Variants in PTPRK observed in about 807,000 individuals in gnomAD.
PTPRK encodes receptor-type tyrosine-protein phosphatase kappa.
Under a neutral mutation model 178.0 loss-of-function variants are expected in PTPRK, and 75 were observed. That is an observed-to-expected ratio of 0.42 (90% confidence interval 0.35 to 0.51). The LOEUF is 0.51. Ranked by LOEUF, PTPRK falls within the 20% of genes least tolerant of loss-of-function variation. PTPRK has a pLI of 0.02. For missense variants in PTPRK, 1,441 were observed against 1,797.8 expected, an observed-to-expected ratio of 0.80 and a Z score of 3.59; for synonymous variants, 637 against 620.6, an observed-to-expected ratio of 1.03 and a Z score of -0.39.
intron 7 of PTPRK, among the ~76,000 whole-genome samples, chr6:128,096,627 T>TA (rs1050007766): frequency 2.0e-5 from 3 of 151,592 alleles, no homozygotes; most frequent in Non-Finnish European, 2.9e-5. Context: ...CAAGGAAAAA[T>TA]AAAAAAAAGA....
At chr6:128,331,070 A>G (rs1443909620) in intron 2 of PTPRK, among the ~76,000 whole-genome samples, 1 of 151,996 alleles carries the variant, frequency 6.6e-6, no homozygotes, top group African/African-American at 2.4e-5. Flanking sequence ...ATCACTTTTT[A>G]TTATTTCCTT....
At chr6:128,421,390 G>A (rs999455276) in intron 1 of PTPRK, among the ~76,000 whole-genome samples, 3 of 152,122 alleles carry the variant, frequency 2.0e-5, no homozygotes, top group African/African-American at 7.2e-5. Flanking sequence ...CGGTATTTGT[G>A]GCAGAAGATA....
intron 1 of PTPRK, among the ~76,000 whole-genome samples, chr6:128,473,813 G>A (rs1851034227): frequency 6.6e-6 from 1 of 151,734 alleles, no homozygotes; most frequent in Non-Finnish European, 1.5e-5. Flanking sequence ...GCTACTACTG[G>A]GTTAAAAAGC....
chr6:128,006,558 CATAT>C (rs1224408017), intron 14 of PTPRK, among the ~76,000 whole-genome samples: 3 of 150,882 alleles, frequency 2.0e-5, no homozygotes, highest in African/African-American at 7.3e-5. Context: ...TAGGTATATA[CATAT>C]GTTATGTGAA....
intron 7 of PTPRK, among the ~76,000 whole-genome samples, chr6:128,092,516 T>C (rs1187243574): frequency 2.6e-5 from 4 of 152,202 alleles, no homozygotes; most frequent in African/African-American, 7.2e-5. Flanking sequence ...CTCAGGGTTG[T>C]GTGTATAGAT....
In PTPRK at chr6:128,089,990, G is replaced by T; in HGVS notation, c.1165C>A (p.Pro389Thr). 1 of 1,594,702 alleles carries T rather than the reference G, an allele frequency of 6.3e-7. No homozygotes were observed. Among genetic ancestry groups the T allele is most frequent in the Non-Finnish European group, 8.6e-7 (1 of 1,162,858 alleles). Residue 389 changes from proline to threonine, a missense_variant and splice_region_variant, in exon 8 of 30, where the codon CCT becomes ACT. Transcript: ENST00000368226. ...PLITRTKCAEPMRTPKTLKIA... is the reference protein window; with the variant it reads ...PLITRTKCAETMRTPKTLKIA... ...TTTAATGTCTTTGGGGTTCTCATAG[G>T]TTCTGAAAAATAAATCAGAGTTGTA...
At chr6:128,222,772 G>T (rs1367940307) in intron 5 of PTPRK, among the ~76,000 whole-genome samples, 1 of 152,122 alleles carries the variant, frequency 6.6e-6, no homozygotes, top group Admixed American at 6.5e-5. Flanking sequence ...TATTGAATTT[G>T]CACTATCTTA....
chr6:128,237,439 T>C (rs1813496167), intron 5 of PTPRK, among the ~76,000 whole-genome samples: 1 of 152,172 alleles, frequency 6.6e-6, no homozygotes, highest in Non-Finnish European at 1.5e-5. Flanking sequence ...CAATGATACT[T>C]AAAGGTACCA....
chr6:128,419,139 T>C (rs1843167158), intron 1 of PTPRK, among the ~76,000 whole-genome samples: 1 of 152,250 alleles, frequency 6.6e-6, no homozygotes, highest in Admixed American at 6.5e-5. Flanking sequence ...TTTAATGTTT[T>C]TGTTTTACCA....
At chr6:128,249,714 G>T (rs775887950) in intron 3 of PTPRK, among the ~76,000 whole-genome samples, 1 of 152,078 alleles carries the variant, frequency 6.6e-6, no homozygotes, top group Non-Finnish European at 1.5e-5. Flanking sequence ...TCAGGAAGAC[G>T]ATGAGCCTTG....
Position 128,519,151 on chromosome 6 carries a change from T to C in PTPRK, c.100+1108A>G, listed in dbSNP as rs762201689. Reference sequence around the variant, plus strand: ...CGCCAGCCAAGCGAAGCTGGGTAGGTTGGCCAGAAAAGTTGTCAGGACTGG... The same window carrying C: ...CGCCAGCCAAGCGAAGCTGGGTAGGCTGGCCAGAAAAGTTGTCAGGACTGG... On this transcript the variant is annotated intron_variant, in intron 1 of 29. Transcript: ENST00000368226. The surrounding 1 kb of genome is among the most constrained non-coding windows in gnomAD (Gnocchi z 4.3). 2.0e-6 allele frequency: 1 copy of C among 496,104 alleles called. No homozygotes were observed. Among genetic ancestry groups the C allele is most frequent in the South Asian group, 1.5e-5 (1 of 66,436 alleles). 30.7% of individuals were successfully genotyped at this position (496,104 alleles called of 1,614,324 possible).
intron 1 of PTPRK, among the ~76,000 whole-genome samples, chr6:128,425,854 C>T (rs1039280208): frequency 6.6e-6 from 1 of 152,148 alleles, no homozygotes; most frequent in African/African-American, 2.4e-5. Context: ...GCTTACATTT[C>T]CCAATAAGCA....
chr6:128,192,257 G>GA (rs1034955238), intron 6 of PTPRK, among the ~76,000 whole-genome samples: 11 of 152,078 alleles, frequency 7.2e-5, no homozygotes, highest in African/African-American at 2.7e-4. Context: ...GCATACCCCT[G>GA]AAAAAACAAA....
intron 6 of PTPRK, among the ~76,000 whole-genome samples, chr6:128,204,576 A>G (rs1473525239): frequency 6.6e-6 from 1 of 152,086 alleles, no homozygotes; most frequent in Non-Finnish European, 1.5e-5. Flanking sequence ...TTACAAGAAG[A>G]AAACAACTCC....
intron 5 of PTPRK, among the ~76,000 whole-genome samples, chr6:128,222,643 A>G (rs924910180): frequency 1.8e-4 from 27 of 152,096 alleles, no homozygotes; most frequent in African/African-American, 6.5e-4. Context: ...AATCCTCTAC[A>G]TTGGCAGTGA....
chr6:127,975,223 A>G (rs1774387099), intron 27 of PTPRK, among the ~76,000 whole-genome samples: 1 of 152,188 alleles, frequency 6.6e-6, no homozygotes, highest in Admixed American at 6.5e-5. Context: ...TTTTCACATA[A>G]ACTGCTCAAT....
chr6:128,117,600 G>T (rs1435466175), intron 7 of PTPRK, among the ~76,000 whole-genome samples: 1 of 152,050 alleles, frequency 6.6e-6, no homozygotes, highest in Non-Finnish European at 1.5e-5. Flanking sequence ...TATCAATTAA[G>T]ATTTGCACAG....
intron 1 of PTPRK, among the ~76,000 whole-genome samples, chr6:128,450,126 A>T (rs2128405561): frequency 6.6e-6 from 1 of 152,082 alleles, no homozygotes; most frequent in African/African-American, 2.4e-5. Context: ...CAACAAAAAA[A>T]AAAAAAGAAG....
chr6:128,384,375 C>T (rs1226943515), intron 2 of PTPRK, among the ~76,000 whole-genome samples: 1 of 131,598 alleles, frequency 7.6e-6, no homozygotes, highest in Non-Finnish European at 1.7e-5. Context: ...GATTTTTGGA[C>T]AATATTTCTA....
Sources: gnomAD v4.1 joint callset for allele counts (sites outside exome capture counted in the v4.1 genomes callset) on GRCh38, gnomAD v4.1.1 for gene constraint, Gnocchi (gnomAD v3.1) non-coding constraint, MANE v1.5 for transcripts, NCBI Gene and HGNC (gene_info 2026-07-23, HGNC 2026-07-21) for gene names.